The following NLRP10 variants were observed in gnomAD, a reference collection of about 807,000 sequenced individuals.
NLRP10 encodes NLR family pyrin domain containing 10.
NLRP10 carries 7 observed loss-of-function variants against 8.2 expected under a neutral mutation model. The ratio of observed to expected loss-of-function variants is 0.85; its 90% CI spans 0.48 to 1.60. NLRP10 has a LOEUF of 1.60. NLRP10 is among the 40% of genes most tolerant of loss of function. The pLI is 0.00. For missense variants in NLRP10, 814 were observed against 776.3 expected (o/e 1.05, Z -0.58); for synonymous variants, 338 against 314.0 (o/e 1.08, Z -0.81).
At position 7,960,605 on chromosome 11, in the gene NLRP10, C is replaced by G. The variant is rs776023158; in HGVS notation, c.1007G>C (p.Arg336Pro). The G allele has an allele frequency of 6.8e-6, 11 of 1,614,152 alleles. No homozygotes were observed. In the East Asian group the frequency reaches 2.5e-4, roughly 36 times the overall value. Residue 336 changes from arginine (R) to proline (P), a missense_variant, in exon 3 of 3, where the codon CGT (arginine) becomes CCT (proline). Transcript: ENST00000691676. The part of the protein sequence containing the change: ...SYFTDEKQAD[R>P]AFDIVQKNDI... Reference sequence around the variant, plus strand: ...ATTTTTCTGTACAATGTCGAAGGCACGGTCAGCTTGCTTCTCATCCGTGAA... The same window carrying G: ...ATTTTTCTGTACAATGTCGAAGGCAGGGTCAGCTTGCTTCTCATCCGTGAA...
rs2133642397 is a variant in NLRP10 at position 7,961,176 on chromosome 11, C to T, written c.436G>A (p.Glu146Lys). The change falls in exon 3 of 3, where the codon GAG (glutamate) becomes AAG (lysine). Residue 146 changes from glutamate to lysine, a missense_variant. Physicochemically the swap from Glu to Lys is moderately conservative, Grantham distance 56. Coordinates refer to ENST00000691676, the MANE Select transcript of NLRP10 (RefSeq NM_001391958.1). The part of the protein sequence containing the change: ...ESLACPFPEQ[E>K]LESVTVEALF... ...GCCTCCACCGTGACAGACTCCAGCT[C>T]CTGCTCCGGGAAGGGGCAGGCAAGT... is the stretch of plus-strand genomic sequence containing the variant. The T allele has an allele frequency of 3.1e-6, 5 of 1,614,040 alleles. No homozygotes were observed. In the East Asian group the frequency reaches 1.1e-4, roughly 36 times the overall value.
At chr11:7,963,563 A>C in intron 1 of NLRP10, 23 bp from the exon 2 acceptor site, 4 of 1,456,568 alleles carry the variant, frequency 2.7e-6, no homozygotes, top group Non-Finnish European at 3.7e-6. Flanking sequence ...GCAAAAGGAG[A>C]GGTCCACTGC....
Position 7,960,643 on chromosome 11 carries a change from G to A in NLRP10, c.969C>T (p.Tyr323=), listed in dbSNP as rs756325316. The change falls in exon 3 of 3, where the codon TAC becomes TAT. Residue 323 remains tyrosine, a synonymous_variant. Transcript: ENST00000691676. ...LGFSEEERAR[Y]FSSYFTDEKQ... is the part of the protein sequence containing the mutation. ...TCTCATCCGTGAAATAGGAGCTGAA[G>A]TACCTCGCCCTCTCCTCCTCAGAGA... 1 of 1,614,200 alleles carries A rather than the reference G, an allele frequency of 6.2e-7. No individual in the cohort carries two copies. Among genetic ancestry groups the A allele is most frequent in the East Asian group, 2.2e-5 (1 of 44,880 alleles).
Position 7,960,570 on chromosome 11 carries a change from A to G in NLRP10, c.1042T>C (p.Tyr348His), listed in dbSNP as rs1440030202. Residue 348 changes from tyrosine to histidine, a missense_variant, in exon 3 of 3, where the codon TAC becomes CAC. Coordinates refer to ENST00000691676, the MANE Select transcript of NLRP10 (RefSeq NM_001391958.1). ...FDIVQKNDIL[Y>H]KACQVPGICW... ...ATGCCTGGAACCTGACACGCTTTGT[A>G]GAGAATGTCATTTTTCTGTACAATG... is the stretch of plus-strand genomic sequence containing the variant. 1 of 1,614,216 alleles carries G rather than the reference A, an allele frequency of 6.2e-7. No individual in the cohort carries two copies. The highest frequency in any genetic ancestry group is 1.1e-5 in the South Asian group (1 of 91,086).
Position 7,963,275 on chromosome 11 carries a change from A to G in NLRP10, c.221T>C (p.Val74Ala), listed in dbSNP as rs771286628. 6.2e-7 allele frequency: 1 copy of G among 1,614,228 alleles called. No individual in the cohort carries two copies. ...GTTCATGACCTTCAAGCCCTTGAGG[A>G]CAACTTTCACAGCCTCCTTTTCTCC... ...KYGEKEAVKV[V>A]LKGLKVMNLL... Residue 74 changes from valine (V) to alanine (A), a missense_variant, in exon 2 of 3, where the codon GTC (valine) becomes GCC (alanine). By Grantham distance (64) the Val-to-Ala change is moderately conservative. Transcript: ENST00000691676.
chr11:7,961,613 C>T (rs2133643054), intron 2 of NLRP10, among the ~76,000 whole-genome samples: 1 of 152,274 alleles, frequency 6.6e-6, no homozygotes, highest in East Asian at 1.9e-4. Context: ...CCTTCATGTA[C>T]TGTTGTGGAG....
intron 2 of NLRP10, among the ~76,000 whole-genome samples, chr11:7,962,231 C>CTTTTTTTTGTT (rs1941744060): frequency 1.5e-5 from 1 of 66,994 alleles, no homozygotes; most frequent in Non-Finnish European, 2.6e-5. Flanking sequence ...TAAGCCTGTT[C>CTTTTTTTTGTT]TTTTTTTTTT....
chr11:7,958,820 A>G lies in NLRP10; in HGVS notation c.*824T>C, dbSNP rs1206066235. ...GCCTGGGCCTCCTACTCACTTTTTA[A>G]GTAGACTCTTTACTTATTATTGAGT... On this transcript the variant is annotated 3_prime_UTR_variant, in exon 3 of 3. Transcript: ENST00000691676. Among the ~76,000 whole-genome samples, 2 of 152,116 alleles carry G rather than the reference A, an allele frequency of 1.3e-5. No homozygotes were observed. Among genetic ancestry groups the G allele is most frequent in the African/African-American group, 4.8e-5 (2 of 41,442 alleles).
chr11:7,959,089 CA>C lies in NLRP10; in HGVS notation c.*554del, dbSNP rs766212228. Among the ~76,000 whole-genome samples the C allele has an allele frequency of 1.8e-4, 27 of 152,264 alleles. No individual in the cohort carries two copies. The highest frequency in any genetic ancestry group is 3.3e-4 in the Admixed American group (5 of 15,296). Reference sequence around the variant, plus strand: ...GATTTTCTCCTATATTATCTTCTAGCAGTTTATATTAGTACTTTTGTATTTT... The same window carrying C: ...GATTTTCTCCTATATTATCTTCTAGCGTTTATATTAGTACTTTTGTATTTT... On this transcript the variant is annotated 3_prime_UTR_variant, in exon 3 of 3. Transcript: ENST00000691676.
intron 1 of NLRP10, among the ~76,000 whole-genome samples, chr11:7,964,119 A>AG (rs903018192): frequency 2.8e-4 from 42 of 152,006 alleles, no homozygotes; most frequent in Admixed American, 8.5e-4. Flanking sequence ...ATGGGGTTTC[A>AG]CCATACGGGC....
chr11:7,961,316 C>G lies in NLRP10; in HGVS notation c.296G>C (p.Arg99Thr). 1 of 1,551,154 alleles carries G rather than the reference C, an allele frequency of 6.4e-7. No individual in the cohort carries two copies. The highest frequency in any genetic ancestry group is 8.7e-7 in the Non-Finnish European group (1 of 1,147,566). The stretch of plus-strand genomic sequence containing the variant: ...GCGCACATGCTCTCGGTATACTTCT[C>G]TGTAATCTGAGCCAAACAAATGGGA... ...QLSHICLHDYREVYREHVRCL... is the reference protein window; with the variant it reads ...QLSHICLHDYTEVYREHVRCL... The change falls in exon 3 of 3, where the codon AGA becomes ACA. Residue 99 changes from arginine to threonine, a missense_variant. Transcript: ENST00000691676.
rs1426090576 is a variant in NLRP10 at position 7,958,574 on chromosome 11, A to G, written c.*1070T>C. ...TTACTCACCTTTTTTTTTTTGAGGC[A>G]GAGTCTCACTCTGTTGCCAGGCTGG... On this transcript the variant is annotated 3_prime_UTR_variant, in exon 3 of 3. Transcript: ENST00000691676. 1.3e-5 allele frequency among the ~76,000 whole-genome samples: 2 copies of G among 151,062 alleles called. No homozygotes were observed. The highest frequency in any genetic ancestry group is 4.9e-5 in the African/African-American group (2 of 41,086).
At chr11:7,962,228 G>GTCCTTTTTTTT (rs1941742744) in intron 2 of NLRP10, among the ~76,000 whole-genome samples, 2 of 36,860 alleles carry the variant, frequency 5.4e-5, no homozygotes, top group Non-Finnish European at 1.2e-4. Flanking sequence ...AGATAAGCCT[G>GTCCTTTTTTTT]TTCTTTTTTT....
Position 7,958,269 on chromosome 11 carries a change from A to G in NLRP10, c.*1375T>C, listed in dbSNP as rs1261547269. Among the ~76,000 whole-genome samples, 1 of 152,158 alleles carries G rather than the reference A, an allele frequency of 6.6e-6. No homozygotes were observed. Among genetic ancestry groups the G allele is most frequent in the African/African-American group, 2.4e-5 (1 of 41,432 alleles). ...ATTGCTAGATCTTACATATAGTAAA[A>G]CTATGTTTAGCTTTGTAAGAAACTG... On this transcript the variant is annotated 3_prime_UTR_variant, in exon 3 of 3. Transcript: ENST00000691676.
intron 1 of NLRP10, 109 bp from the exon 2 acceptor site, chr11:7,963,649 C>A: frequency 1.6e-6 from 1 of 619,296 alleles, no homozygotes; most frequent in Non-Finnish European, 2.8e-6. Flanking sequence ...GATACATGTG[C>A]AAAGCTCCAA....
At position 7,960,198 on chromosome 11, in the gene NLRP10, A is replaced by T. The variant is rs777618054; in HGVS notation, c.1414T>A (p.Phe472Ile). 3 of 1,614,130 alleles carry T rather than the reference A, an allele frequency of 1.9e-6. No individual in the cohort carries two copies. Among genetic ancestry groups the T allele is most frequent in the Non-Finnish European group, 2.5e-6 (3 of 1,180,036 alleles). The change falls in exon 3 of 3, where the codon TTT (phenylalanine) becomes ATT (isoleucine). Residue 472 changes from phenylalanine (F) to isoleucine (I), a missense_variant. By Grantham distance (21) the Phe-to-Ile change is conservative (BLOSUM62 0). Coordinates refer to ENST00000691676, the MANE Select transcript of NLRP10 (RefSeq NM_001391958.1). The part of the protein sequence containing the change: ...YSFRHISFQD[F>I]FHAMSYLVKE... ...ACCAGGTAAGACATGGCATGAAAAA[A>T]GTCCTGGAAGCTGATGTGGCGGAAG...
At chr11:7,962,706 T>TC (rs1189826482) in intron 2 of NLRP10, among the ~76,000 whole-genome samples, 1 of 151,598 alleles carries the variant, frequency 6.6e-6, no homozygotes, top group Non-Finnish European at 1.5e-5. Flanking sequence ...GATCCCTCCC[T>TC]CCCCCCAGGC....
rs1023020393 is a variant in NLRP10, at chr11:7,959,213, T to C, written c.*431A>G. Reference sequence around the variant, plus strand: ...CTCCATTAAATTGCTTTTGCTCCTTTGTCTAAGATCAATTGACCATTTTTG... The same window carrying C: ...CTCCATTAAATTGCTTTTGCTCCTTCGTCTAAGATCAATTGACCATTTTTG... On this transcript the variant is annotated 3_prime_UTR_variant, in exon 3 of 3. Coordinates refer to ENST00000691676, the MANE Select transcript of NLRP10 (RefSeq NM_001391958.1). Among the ~76,000 whole-genome samples, 5 of 152,252 alleles carry C rather than the reference T, an allele frequency of 3.3e-5. No individual in the cohort carries two copies. Among genetic ancestry groups the C allele is most frequent in the African/African-American group, 1.2e-4 (5 of 41,466 alleles).
At position 7,961,090 on chromosome 11, in the gene NLRP10, C is replaced by CGA. The variant is rs753624669; in HGVS notation, c.520_521dup (p.Ala175ArgfsTer33). 1.3e-4 allele frequency: 217 copies of CGA among 1,614,104 alleles called. 2 individuals carry two copies. In the South Asian group the frequency reaches 2.3e-3, roughly 17 times the overall value. Reference sequence around the variant, plus strand: ...CGAGAGTTGTCTTTCCAGTGCCAGCCGACCCCTGTAGCACAACTAAGGATG... The same window carrying CGA: ...CGAGAGTTGTCTTTCCAGTGCCAGCCGAGACCCCTGTAGCACAACTAAGGATG... On this transcript the variant is annotated frameshift_variant, in exon 3 of 3. Transcript: ENST00000691676. LOFTEE classifies it low-confidence loss of function (END_TRUNC).
Sources: allele counts gnomAD v4.1 joint callset (sites outside exome capture counted in the v4.1 genomes callset), GRCh38; gene constraint gnomAD v4.1.1; transcripts MANE v1.5; gene names NCBI Gene and HGNC (gene_info 2026-07-23, HGNC 2026-07-21).